Variants in VPS50 observed in about 807,000 individuals in gnomAD.
VPS50 encodes syndetin.
In VPS50, 70 loss-of-function variants were observed where a neutral mutation model predicts 139.7. The observed-to-expected ratio is 0.50, with a 90% confidence interval of 0.41 to 0.61. The LOEUF is 0.61. VPS50 is among the 20% of genes least tolerant of loss of function. The probability of loss-of-function intolerance (pLI) is 0.00; values close to 1 mark genes in which losing one functional copy is unlikely to be tolerated. For missense variants in VPS50, 921 were observed against 1,133.7 expected (o/e 0.81, Z 2.69); for synonymous variants, 365 against 376.7 (o/e 0.97, Z 0.36).
intron 23 of VPS50, among the ~76,000 whole-genome samples, chr7:93,347,717 A>G (rs531910036): frequency 1.3e-5 from 2 of 149,050 alleles, no homozygotes; most frequent in South Asian, 2.1e-4. Context: ...GCAGTAAACT[A>G]TCGCAAGAAC....
chr7:93,247,122 T>C (rs993446004), intron 2 of VPS50, among the ~76,000 whole-genome samples: 2 of 151,934 alleles, frequency 1.3e-5, no homozygotes, highest in Non-Finnish European at 2.9e-5. Context: ...GGTGGTATTA[T>C]ATGCAACCTT....
chr7:93,242,005 T>C (rs969922833), intron 2 of VPS50, among the ~76,000 whole-genome samples: 3 of 152,012 alleles, frequency 2.0e-5, no homozygotes, highest in Non-Finnish European at 4.4e-5. Context: ...AAATGATTAT[T>C]TTGAAATAAC....
intron 12 of VPS50, among the ~76,000 whole-genome samples, chr7:93,278,019 C>T (rs551847614): frequency 6.6e-6 from 1 of 152,030 alleles, no homozygotes; most frequent in East Asian, 1.9e-4. Context: ...AAAAATTAAA[C>T]CAAACATTTT....
chr7:93,289,813 G>T (rs572145265), intron 12 of VPS50, among the ~76,000 whole-genome samples: 2 of 151,974 alleles, frequency 1.3e-5, no homozygotes, highest in Non-Finnish European at 2.9e-5. Context: ...TCATATACCA[G>T]ATTTGTATAT....
At chr7:93,303,909 C>T (rs1328755275) in intron 17 of VPS50, among the ~76,000 whole-genome samples, 1 of 151,756 alleles carries the variant, frequency 6.6e-6, no homozygotes, top group Non-Finnish European at 1.5e-5. Context: ...TAGTTTAATA[C>T]AAATGCTTAT....
chr7:93,285,835 AGTGGAAATGCTG>A (rs1796467556), intron 12 of VPS50, among the ~76,000 whole-genome samples: 3 of 152,250 alleles, frequency 2.0e-5, no homozygotes, highest in Admixed American at 2.0e-4. Context: ...TGTGAAGCAT[AGTGGAAATGCTG>A]TGAGCTTCTT....
rs1390092200 is a variant in VPS50, at chr7:93,360,888, A to T, written c.*2452A>T. ...AACAGAGATTTTGTAAGTTCACTTTAACTAATAAACTCATTTACACAACTT... is the reference window on the plus strand; with the variant it reads ...AACAGAGATTTTGTAAGTTCACTTTTACTAATAAACTCATTTACACAACTT... On this transcript the variant is annotated 3_prime_UTR_variant, in exon 28 of 28. Coordinates refer to ENST00000305866, the MANE Select transcript of VPS50 (RefSeq NM_017667.4). The T allele has an allele frequency of 2.0e-5, 3 of 152,026 alleles. No individual in the cohort carries two copies. The highest frequency in any genetic ancestry group is 7.2e-5 in the African/African-American group (3 of 41,424). The allele number at this position is 152,026 out of a possible 1,614,324, so 9.4% of individuals were successfully genotyped here.
chr7:93,252,807 G>T, intron 3 of VPS50, 32 bp downstream of exon 3: 1 of 1,538,976 alleles, frequency 6.5e-7, no homozygotes, highest in Non-Finnish European at 8.8e-7. Flanking sequence ...CATAACTAAG[G>T]CCTGTTTTGT....
intron 21 of VPS50, among the ~76,000 whole-genome samples, chr7:93,327,894 T>C (rs1017335863): frequency 2.6e-5 from 4 of 152,164 alleles, no homozygotes; most frequent in Non-Finnish European, 4.4e-5. Context: ...TGCTTTTCTG[T>C]CAGAAGAAAG....
At chr7:93,235,367 A>G (rs1294659495) in intron 1 of VPS50, among the ~76,000 whole-genome samples, 6 of 152,214 alleles carry the variant, frequency 3.9e-5, no homozygotes, top group Non-Finnish European at 7.3e-5. Flanking sequence ...AATGGCAAAT[A>G]GAGGAATGAT....
chr7:93,241,277 GTCT>G (rs1229417857), intron 2 of VPS50, among the ~76,000 whole-genome samples: 6 of 152,106 alleles, frequency 3.9e-5, no homozygotes, highest in Admixed American at 3.9e-4. Flanking sequence ...TCATTACAAA[GTCT>G]TCTTATTAAA....
At chr7:93,294,454 T>C in intron 13 of VPS50, 91 bp from the exon 14 acceptor site, 1 of 1,119,120 alleles carries the variant, frequency 8.9e-7, no homozygotes, top group Non-Finnish European at 1.3e-6. Context: ...TTACATAGAC[T>C]TACAATGTGT....
intron 17 of VPS50, among the ~76,000 whole-genome samples, chr7:93,305,155 T>C (rs942378915): frequency 1.3e-4 from 19 of 151,948 alleles, no homozygotes; most frequent in Non-Finnish European, 2.2e-4. Flanking sequence ...ACTTTTCCTC[T>C]AATTAGCTGT....
chr7:93,310,175 G>C (rs1284963227), intron 19 of VPS50, among the ~76,000 whole-genome samples: 1 of 152,000 alleles, frequency 6.6e-6, no homozygotes, highest in Non-Finnish European at 1.5e-5. Context: ...GTGTCTGCCA[G>C]TACATGTGTA....
At chr7:93,260,652 A>G (rs1042040570) in intron 9 of VPS50, among the ~76,000 whole-genome samples, 2 of 151,700 alleles carry the variant, frequency 1.3e-5, no homozygotes, top group African/African-American at 4.8e-5. Flanking sequence ...TTTCTTTAAA[A>G]TGTGCAGATT....
intron 9 of VPS50, among the ~76,000 whole-genome samples, chr7:93,270,298 C>T (rs1198846754): frequency 6.6e-6 from 1 of 151,910 alleles, no homozygotes; most frequent in Non-Finnish European, 1.5e-5. Context: ...TCGCATGTCT[C>T]ATCCCAGTCA....
intron 24 of VPS50, among the ~76,000 whole-genome samples, 190 bp downstream of exon 24, chr7:93,348,997 T>G (rs1798482431): frequency 6.6e-6 from 1 of 152,168 alleles, no homozygotes; most frequent in Non-Finnish European, 1.5e-5. Flanking sequence ...CATGTAACTT[T>G]TAGACTAGTG....
chr7:93,316,273 A>G (rs933249251), intron 20 of VPS50, among the ~76,000 whole-genome samples: 3 of 152,208 alleles, frequency 2.0e-5, no homozygotes, highest in Non-Finnish European at 1.5e-5. Context: ...GGGCAAGAAC[A>G]GGATATGAGA....
chr7:93,327,690 T>C lies in VPS50; in HGVS notation c.1977+3958T>C, dbSNP rs565553188. 2.0e-5 allele frequency among the ~76,000 whole-genome samples: 3 copies of C among 152,152 alleles called. No homozygotes were observed. The East Asian group carries it at 5.8e-4, about 29-fold the overall frequency. On this transcript the variant is annotated intron_variant, in intron 21 of 27. Transcript: ENST00000305866. ...ATAGGCACATGCGGGTGTATAATAC[T>C]GAAGTGGTAGTTTTTAATTTCCGAA...
Sources: allele counts gnomAD v4.1 joint callset (sites outside exome capture counted in the v4.1 genomes callset), GRCh38; gene constraint gnomAD v4.1.1; transcripts MANE v1.5; gene names NCBI Gene and HGNC (gene_info 2026-07-23, HGNC 2026-07-21).